FBXO46: variants seen among roughly 807,000 people sequenced by gnomAD.
FBXO46 encodes F-box only protein 46.
FBXO46 carries 13 observed loss-of-function variants against 30.7 expected under a neutral mutation model. The ratio of observed to expected loss-of-function variants is 0.42; its 90% confidence interval spans 0.28 to 0.67. The LOEUF (loss-of-function observed/expected upper bound fraction) is 0.67, where lower values mean the gene tolerates loss of function less well. Ranked by LOEUF, FBXO46 falls within the 30% of genes least tolerant of loss-of-function variation. FBXO46 has a pLI of 0.21. For synonymous variants in FBXO46, 467 were observed against 385.8 expected (o/e 1.21, Z -2.47); for missense variants, 754 against 871.5 (o/e 0.87, Z 1.70).
In FBXO46 at chr19:45,711,675, C is replaced by T. The variant is rs980035162; in HGVS notation, c.*9G>A. On this transcript the variant is annotated 3_prime_UTR_variant, in exon 2 of 2. Coordinates refer to ENST00000317683, the MANE Select transcript of FBXO46 (RefSeq NM_001080469.2). ...GGCGTGGTGGGCTCTCCCCTCCCCTCCCCCGGCTTCACCTCCCCTCCTCCC... is the reference window on the plus strand; with the variant it reads ...GGCGTGGTGGGCTCTCCCCTCCCCTTCCCCGGCTTCACCTCCCCTCCTCCC... 5 of 1,518,842 alleles carry T rather than the reference C, an allele frequency of 3.3e-6. No individual in the cohort carries two copies. The highest frequency in any genetic ancestry group is 3.9e-5 in the Admixed American group (2 of 50,696). The allele number at this position is 1,518,842 out of a possible 1,614,324, so 94.1% of individuals were successfully genotyped here.
At chr19:45,724,492 C>T (rs1192539429) in intron 1 of FBXO46, among the ~76,000 whole-genome samples, 1 of 152,154 alleles carries the variant, frequency 6.6e-6, no homozygotes, top group African/African-American at 2.4e-5. Context: ...AATACAGGCG[C>T]TGGCACATGG....
In FBXO46 at chr19:45,711,760, C is replaced by T. The variant is rs750623283; in HGVS notation, c.1736G>A (p.Gly579Asp). 6.5e-7 allele frequency: 1 copy of T among 1,541,044 alleles called. No homozygotes were observed. The highest frequency in any genetic ancestry group is 8.7e-7 in the Non-Finnish European group (1 of 1,144,264). The change falls in exon 2 of 2, where the codon GGC becomes GAC. Residue 579 changes from glycine (G) to aspartate (D), a missense_variant. Gly to Asp is a moderately conservative substitution (Grantham distance 94, BLOSUM62 -1). This residue lies in a region of FBXO46 where 162 missense variants were observed against 258.7 expected (regional missense o/e 0.63). Coordinates refer to ENST00000317683, the MANE Select transcript of FBXO46 (RefSeq NM_001080469.2). ...CAGCACCCAGTTGTTATCGTGGAGG[C>T]CCAGGCGGCAGCCGGGAGTCTCGCG... ...ADRETPGCRL[G>D]LHDNNWVLPC... is the part of the protein sequence containing the mutation.
chr19:45,724,683 C>G (rs1968215365), intron 1 of FBXO46, among the ~76,000 whole-genome samples: 1 of 152,042 alleles, frequency 6.6e-6, no homozygotes, highest in South Asian at 2.1e-4. Flanking sequence ...GAGACGGAGG[C>G]CTGCTCGTTA....
At position 45,711,401 on chromosome 19, in the gene FBXO46, G is replaced by A. The variant is rs1282199867; in HGVS notation, c.*283C>T. 25 of 609,400 alleles carry A rather than the reference G, an allele frequency of 4.1e-5. No individual in the cohort carries two copies. Among genetic ancestry groups the A allele is most frequent in the Non-Finnish European group, 7.0e-5 (23 of 328,050 alleles). The allele number at this position is 609,400 out of a possible 1,614,324, so 37.7% of individuals were successfully genotyped here. ...TCCTTGGGGTGGAAAGCATGGCAGG[G>A]AGGGGGTTGGGGCTGAATGGAGAAG... On this transcript the variant is annotated 3_prime_UTR_variant, in exon 2 of 2. Transcript: ENST00000317683.
Position 45,711,733 on chromosome 19 carries a change from G to A in FBXO46, c.1763C>T (p.Pro588Leu). ...CCGGCCCCCGCCTGGCCCATTGCAG[G>A]GCAGCACCCAGTTGTTATCGTGGAG... ...LGLHDNNWVL[P>L]CNGPGGGRAG... is the part of the protein sequence containing the mutation. The change falls in exon 2 of 2, where the codon CCC becomes CTC. Residue 588 changes from proline to leucine, a missense_variant. Transcript: ENST00000317683. 1 of 1,554,942 alleles carries A rather than the reference G, an allele frequency of 6.4e-7. No homozygotes were observed. Among genetic ancestry groups the A allele is most frequent in the Non-Finnish European group, 8.7e-7 (1 of 1,155,556 alleles).
chr19:45,711,720 T>G lies in FBXO46; in HGVS notation c.1776A>C (p.Pro592=). 2.8e-4 allele frequency: 286 copies of G among 1,038,022 alleles called. No individual in the cohort carries two copies. The highest frequency in any genetic ancestry group is 3.5e-4 in the Non-Finnish European group (262 of 741,682). 64.3% of individuals were successfully genotyped at this position (1,038,022 alleles called of 1,614,324 possible). A position where few individuals can be genotyped will look rare whatever the true frequency, so the allele number is the denominator to read the frequency against. The change falls in exon 2 of 2, where the codon CCA becomes CCC. Residue 592 remains proline, a synonymous_variant. Transcript: ENST00000317683. ...CCTCCCGGCCGGCCCGGCCCCCGCC[T>G]GGCCCATTGCAGGGCAGCACCCAGT... ...DNNWVLPCNG[P]GGGRAGREEG...
At chr19:45,721,872 G>C (rs1016103520) in intron 1 of FBXO46, among the ~76,000 whole-genome samples, 2 of 150,750 alleles carry the variant, frequency 1.3e-5, no homozygotes, top group African/African-American at 4.9e-5. Context: ...AGATGGAGTC[G>C]TGCTGTTGCC....
Position 45,711,202 on chromosome 19 carries a change from GGTGAGAGCTGTC to G in FBXO46, c.*470_*481del. On this transcript the variant is annotated 3_prime_UTR_variant, in exon 2 of 2. Coordinates refer to ENST00000317683, the MANE Select transcript of FBXO46 (RefSeq NM_001080469.2). ...CCTGACAGCCCCCAATTCCTAGAGAGGTGAGAGCTGTCGTGTGGCAGGTTAGGAGAGGTGCCA... is the reference window on the plus strand; with the variant it reads ...CCTGACAGCCCCCAATTCCTAGAGAGGTGTGGCAGGTTAGGAGAGGTGCCA... The G allele has an allele frequency of 2.4e-6, 1 of 423,560 alleles. No individual in the cohort carries two copies. The highest frequency in any genetic ancestry group is 4.6e-6 in the Non-Finnish European group (1 of 218,164). The allele number at this position is 423,560 out of a possible 1,614,324, so 26.2% of individuals were successfully genotyped here. A position where few individuals can be genotyped will look rare whatever the true frequency, so the allele number is the denominator to read the frequency against.
rs762548118 is a variant in FBXO46 at position 45,712,650 on chromosome 19, G to A, written c.846C>T (p.Gly282=). 8.1e-6 allele frequency: 13 copies of A among 1,609,542 alleles called. No individual in the cohort carries two copies. The highest frequency in any genetic ancestry group is 9.3e-6 in the Non-Finnish European group (11 of 1,177,822). ...RAPDSGLPSG[G]GGRPGCAYPG... is the part of the protein sequence containing the mutation. The stretch of plus-strand genomic sequence containing the variant: ...GGTAGGCACAACCAGGCCTGCCCCC[G>A]CCCCCACTGGGCAGGCCGCTGTCTG... The change falls in exon 2 of 2, where the codon GGC becomes GGT. Residue 282 remains glycine (G), a synonymous_variant. Coordinates refer to ENST00000317683, the MANE Select transcript of FBXO46 (RefSeq NM_001080469.2). This position sits in a 1 kb window ranked among gnomAD's most constrained non-coding sequence, Gnocchi z 8.8.
chr19:45,710,946 C>CTTCA lies in FBXO46; in HGVS notation c.*734_*737dup. The CTTCA allele has an allele frequency of 5.2e-6, 1 of 190,960 alleles. No homozygotes were observed. Among genetic ancestry groups the CTTCA allele is most frequent in the South Asian group, 8.3e-5 (1 of 12,020 alleles). 11.8% of individuals were successfully genotyped at this position (190,960 alleles called of 1,614,324 possible). A position where few individuals can be genotyped will look rare whatever the true frequency, so the allele number is the denominator to read the frequency against. Reference sequence around the variant, plus strand: ...ACGCTGTCAAAAGCGAGGCAAAGGGCTTCACAGCTTTATGGGGGTGGGGTT... The same window carrying CTTCA: ...ACGCTGTCAAAAGCGAGGCAAAGGGCTTCATTCACAGCTTTATGGGGGTGGGGTT... On this transcript the variant is annotated 3_prime_UTR_variant, in exon 2 of 2. Transcript: ENST00000317683.
upstream of FBXO46, among the ~76,000 whole-genome samples, chr19:45,731,077 A>C (rs1443421984): frequency 2.0e-5 from 3 of 152,176 alleles, no homozygotes; most frequent in Admixed American, 2.0e-4. Flanking sequence ...AAAGCCGGGG[A>C]GGACTTGGCA....
chr19:45,713,112 G>A lies in FBXO46; in HGVS notation c.384C>T (p.Ser128=). 1 of 1,611,378 alleles carries A rather than the reference G, an allele frequency of 6.2e-7. No individual in the cohort carries two copies. Among genetic ancestry groups the A allele is most frequent in the Non-Finnish European group, 8.5e-7 (1 of 1,178,886 alleles). Residue 128 remains serine, a synonymous_variant, in exon 2 of 2, where the codon AGC becomes AGT. Transcript: ENST00000317683. The surrounding 1 kb of genome is among the most constrained non-coding windows in gnomAD (Gnocchi z 4.7). Reference sequence around the variant, plus strand: ...AGCGCCTCCGCCGCTTGGCCTTGGAGCTATCGCTGCCCCAGTGCCCCTTGA... The same window carrying A: ...AGCGCCTCCGCCGCTTGGCCTTGGAACTATCGCTGCCCCAGTGCCCCTTGA... ...MKVKGHWGSD[S]SKAKRRRRCL... is the part of the protein sequence containing the mutation.
chr19:45,712,869 C>T lies in FBXO46; in HGVS notation c.627G>A (p.Pro209=), dbSNP rs765435655. 1.2e-5 allele frequency: 19 copies of T among 1,613,388 alleles called. No individual in the cohort carries two copies. The highest frequency in any genetic ancestry group is 5.3e-5 in the African/African-American group (4 of 74,928). ...VVFVSAEQGG[P]AKGVGSERRS... ...GCCGTTCAGATCCCACCCCCTTGGC[C>T]GGTCCACCTTGCTCGGCGGACACAA... The change falls in exon 2 of 2, where the codon CCG becomes CCA. Residue 209 remains proline (P), a synonymous_variant. Coordinates refer to ENST00000317683, the MANE Select transcript of FBXO46 (RefSeq NM_001080469.2). The surrounding 1 kb of genome is among the most constrained non-coding windows in gnomAD (Gnocchi z 8.8).
chr19:45,720,281 G>A (rs527554969), intron 1 of FBXO46, among the ~76,000 whole-genome samples: 28 of 152,206 alleles, frequency 1.8e-4, no homozygotes, highest in African/African-American at 6.3e-4. Context: ...ACAGGTGTGC[G>A]CCACCATGTC....
rs1293356702 is a variant in FBXO46, at chr19:45,711,421, GAGA to G, written c.*260_*262del. ...GCAGGGAGGGGGTTGGGGCTGAATGGAGAAGAAAGTGAGATGCTGATAAAAAAA... is the reference window on the plus strand; with the variant it reads ...GCAGGGAGGGGGTTGGGGCTGAATGGAGAAAGTGAGATGCTGATAAAAAAA... On this transcript the variant is annotated 3_prime_UTR_variant, in exon 2 of 2. Coordinates refer to ENST00000317683, the MANE Select transcript of FBXO46 (RefSeq NM_001080469.2). 2.0e-5 allele frequency: 13 copies of G among 644,338 alleles called. No homozygotes were observed. The highest frequency in any genetic ancestry group is 3.4e-5 in the Non-Finnish European group (12 of 349,828). The allele number at this position is 644,338 out of a possible 1,614,324, so 39.9% of individuals were successfully genotyped here. A position where few individuals can be genotyped will look rare whatever the true frequency, so the allele number is the denominator to read the frequency against.
rs993409192 is a variant in FBXO46 at position 45,713,695 on chromosome 19, C to A, written c.-78-122G>T. On this transcript the variant is annotated intron_variant, in intron 1 of 1. Coordinates refer to ENST00000317683, the MANE Select transcript of FBXO46 (RefSeq NM_001080469.2). The surrounding 1 kb of genome is among the most constrained non-coding windows in gnomAD (Gnocchi z 4.7). Reference sequence around the variant, plus strand: ...CAAGAACTCTATTCCTGGCTGGGCGCGGTGGCTCACGCCTGTAATCCCAGC... The same window carrying A: ...CAAGAACTCTATTCCTGGCTGGGCGAGGTGGCTCACGCCTGTAATCCCAGC... 4.0e-6 allele frequency: 2 copies of A among 494,218 alleles called. No homozygotes were observed. The highest frequency in any genetic ancestry group is 6.5e-5 in the East Asian group (2 of 30,578). 30.6% of individuals were successfully genotyped at this position (494,218 alleles called of 1,614,324 possible). A position where few individuals can be genotyped will look rare whatever the true frequency, so the allele number is the denominator to read the frequency against.
At chr19:45,720,740 G>A (rs1361016132) in intron 1 of FBXO46, among the ~76,000 whole-genome samples, 1 of 152,072 alleles carries the variant, frequency 6.6e-6, no homozygotes, top group East Asian at 1.9e-4. Flanking sequence ...CTACAGGCAG[G>A]AGCAACCACA....
intron 1 of FBXO46, among the ~76,000 whole-genome samples, chr19:45,728,594 T>C (rs939166801): frequency 1.3e-5 from 2 of 151,112 alleles, no homozygotes; most frequent in Admixed American, 6.6e-5. Flanking sequence ...CCAACACTTT[T>C]GGAGGTTGAA....
chr19:45,726,159 T>C (rs777059187), intron 1 of FBXO46, among the ~76,000 whole-genome samples: 1 of 150,854 alleles, frequency 6.6e-6, no homozygotes, highest in Non-Finnish European at 1.5e-5. Flanking sequence ...CTGGGCAACA[T>C]AGTGAGAACC....
Sources: gnomAD v4.1 joint callset for allele counts (sites outside exome capture counted in the v4.1 genomes callset) on GRCh38, gnomAD v4.1.1 for gene constraint, gnomAD v4.1.1 regional missense constraint, Gnocchi (gnomAD v3.1) non-coding constraint, MANE v1.5 for transcripts, NCBI Gene and HGNC (gene_info 2026-07-23, HGNC 2026-07-21) for gene names.